MMP16: variants seen among roughly 807,000 people sequenced by gnomAD.
MMP16 encodes matrix metallopeptidase 16.
A neutral mutation model predicts 67.8 loss-of-function variants in MMP16; 12 were observed. The ratio of observed to expected loss-of-function variants is 0.18; its 90% confidence interval spans 0.11 to 0.29. The LOEUF is 0.29. Ranked by LOEUF, MMP16 falls within the 10% of genes least tolerant of loss-of-function variation. The pLI is 1.00. For missense variants in MMP16, 475 were observed against 765.7 expected, an observed-to-expected ratio of 0.62 and a Z score of 4.48; for synonymous variants, 249 against 255.9, an observed-to-expected ratio of 0.97 and a Z score of 0.26.
intron 4 of MMP16, among the ~76,000 whole-genome samples, chr8:88,159,701 T>A (rs1808579407): frequency 6.6e-6 from 1 of 152,128 alleles, no homozygotes; most frequent in African/African-American, 2.4e-5. Flanking sequence ...GGCATCCCTG[T>A]CTTGTGCCAG....
intron 1 of MMP16, among the ~76,000 whole-genome samples, chr8:88,207,408 T>G (rs757984498): frequency 5.3e-5 from 8 of 152,198 alleles, no homozygotes; most frequent in Non-Finnish European, 1.2e-4. Flanking sequence ...CTGTGAGAAG[T>G]TGTCTCTCCA....
In MMP16 at chr8:88,284,851, TA is replaced by T. The variant is rs1379287802; in HGVS notation, c.132+42223del. 8.6e-5 allele frequency among the ~76,000 whole-genome samples: 13 copies of T among 150,326 alleles called. No individual in the cohort carries two copies. In the South Asian group the frequency reaches 2.5e-3, roughly 29 times the overall value. On this transcript the variant is annotated intron_variant, in intron 1 of 9. Transcript: ENST00000286614. The stretch of plus-strand genomic sequence containing the variant: ...TTCTCTATGCCTTTTTTTTTTTTTT[TA>T]ATTTCCTCTGCCAGAAATTCTTCCC...
chr8:88,321,990 T>C (rs1811467244), intron 1 of MMP16, among the ~76,000 whole-genome samples: 1 of 152,210 alleles, frequency 6.6e-6, no homozygotes, highest in East Asian at 1.9e-4. Context: ...TTTACTATTG[T>C]AGAAAACACT....
In MMP16 at chr8:88,308,826, C is replaced by T. The variant is rs564439837; in HGVS notation, c.132+18249G>A. On this transcript the variant is annotated intron_variant, in intron 1 of 9. Transcript: ENST00000286614. Reference sequence around the variant, plus strand: ...TCAACAAATTCATTTTATGACAGAACGGGGCCAATTTTAATATATACAGAG... The same window carrying T: ...TCAACAAATTCATTTTATGACAGAATGGGGCCAATTTTAATATATACAGAG... Among the ~76,000 whole-genome samples, 309 of 151,700 alleles carry T rather than the reference C, an allele frequency of 2.0e-3. 1 individual carries two copies. The highest frequency in any genetic ancestry group is 1.5e-3 in the Non-Finnish European group (104 of 67,844).
intron 1 of MMP16, among the ~76,000 whole-genome samples, chr8:88,314,825 G>A (rs1038577391): frequency 6.6e-6 from 1 of 152,176 alleles, no homozygotes; most frequent in Non-Finnish European, 1.5e-5. Flanking sequence ...ACCCTGGGCA[G>A]ATCTCTGGTG....
At chr8:88,067,116 T>C (rs1262364892) in intron 7 of MMP16, among the ~76,000 whole-genome samples, 1 of 152,036 alleles carries the variant, frequency 6.6e-6, no homozygotes, top group Non-Finnish European at 1.5e-5. Context: ...CTTAATTAAA[T>C]GTTCTTTCTA....
chr8:88,113,379 G>A (rs1301996594), intron 6 of MMP16, among the ~76,000 whole-genome samples: 1 of 151,750 alleles, frequency 6.6e-6, no homozygotes, highest in African/African-American at 2.4e-5. Context: ...GTGTTGATGG[G>A]CAAGGGTTGA....
intron 3 of MMP16, among the ~76,000 whole-genome samples, chr8:88,174,885 C>T (rs1808862004): frequency 6.6e-6 from 1 of 151,874 alleles, no homozygotes; most frequent in Non-Finnish European, 1.5e-5. Flanking sequence ...TACTGAGTTG[C>T]AGGGATAAAA....
At chr8:88,322,178 T>C (rs992337564) in intron 1 of MMP16, among the ~76,000 whole-genome samples, 3 of 152,246 alleles carry the variant, frequency 2.0e-5, no homozygotes, top group Non-Finnish European at 2.9e-5. Context: ...AAAGGCCTAC[T>C]GAATTATAAA....
chr8:88,299,768 A>T (rs1161919221), intron 1 of MMP16, among the ~76,000 whole-genome samples: 1 of 152,216 alleles, frequency 6.6e-6, no homozygotes, highest in Non-Finnish European at 1.5e-5. Context: ...CTGCAAAATC[A>T]TTCTTCTTTA....
chr8:88,138,528 T>C (rs1321944299), intron 4 of MMP16, among the ~76,000 whole-genome samples: 1 of 152,054 alleles, frequency 6.6e-6, no homozygotes, highest in African/African-American at 2.4e-5. Flanking sequence ...ATTTACATCT[T>C]GGTGCTTCCC....
intron 1 of MMP16, among the ~76,000 whole-genome samples, chr8:88,201,408 A>G (rs1301427067): frequency 6.6e-6 from 1 of 152,072 alleles, no homozygotes; most frequent in African/African-American, 2.4e-5. Flanking sequence ...AGTTCCTTGT[A>G]CCCTGTGATT....
At chr8:88,080,571 A>T (rs1028257498) in intron 6 of MMP16, among the ~76,000 whole-genome samples, 3 of 151,964 alleles carry the variant, frequency 2.0e-5, no homozygotes, top group African/African-American at 7.2e-5. Flanking sequence ...GAGTAGCTGG[A>T]ACTACAGGCA....
intron 6 of MMP16, among the ~76,000 whole-genome samples, chr8:88,106,033 T>A (rs1020090448): frequency 7.3e-6 from 1 of 137,578 alleles, no homozygotes; most frequent in East Asian, 2.1e-4. Context: ...TATACGTGTA[T>A]ATATATTTAC....
At chr8:88,246,021 A>T (rs2129912206) in intron 1 of MMP16, among the ~76,000 whole-genome samples, 1 of 152,272 alleles carries the variant, frequency 6.6e-6, no homozygotes, top group Middle Eastern at 3.4e-3. Flanking sequence ...CTGTTAATGT[A>T]CCCCTTTCTT....
At chr8:88,292,758 T>C (rs1810945695) in intron 1 of MMP16, among the ~76,000 whole-genome samples, 2 of 152,070 alleles carry the variant, frequency 1.3e-5, no homozygotes, top group African/African-American at 2.4e-5. Context: ...CCACCAAATA[T>C]GCAACAGAAA....
intron 6 of MMP16, among the ~76,000 whole-genome samples, chr8:88,091,094 T>A (rs115446367): frequency 0.073 from 11,066 of 151,752 alleles, 426 homozygotes; most frequent in South Asian, 0.1. Flanking sequence ...TAAGATTCAA[T>A]CACCATAATT....
intron 6 of MMP16, among the ~76,000 whole-genome samples, chr8:88,109,784 G>T (rs554937801): frequency 8.1e-4 from 122 of 151,192 alleles, no homozygotes; most frequent in Admixed American, 1.3e-3. Context: ...ATATAAAAAA[G>T]ATAAATTATA....
chr8:88,211,893 T>C (rs1458705474), intron 1 of MMP16, among the ~76,000 whole-genome samples: 2 of 152,300 alleles, frequency 1.3e-5, no homozygotes, highest in Admixed American at 6.5e-5. Context: ...TATCCTTGCA[T>C]TGAGTAAACT....
Sources: gnomAD v4.1 joint callset for allele counts (sites outside exome capture counted in the v4.1 genomes callset) on GRCh38, gnomAD v4.1.1 for gene constraint, MANE v1.5 for transcripts, NCBI Gene and HGNC (gene_info 2026-07-23, HGNC 2026-07-21) for gene names.